TNRC18: variants seen among roughly 807,000 people sequenced by gnomAD.
The protein encoded by TNRC18 is trinucleotide repeat containing 18, also known as trinucleotide repeat-containing gene 18 protein.
Under a neutral mutation model 226.7 loss-of-function variants are expected in TNRC18, and 69 were observed. The ratio of observed to expected loss-of-function variants is 0.30; its 90% confidence interval spans 0.25 to 0.37. The LOEUF (loss-of-function observed/expected upper bound fraction) is 0.37, where lower values mean the gene tolerates loss of function less well. Among genes scored for constraint, TNRC18 ranks in the 10% least tolerant of loss-of-function variants. TNRC18 has a pLI of 1.00. For synonymous variants in TNRC18, 2,449 were observed against 1,927.6 expected (o/e 1.27, Z -7.09); for missense variants, 4,754 against 4,256.6 (o/e 1.12, Z -3.25).
intron 3 of TNRC18, among the ~76,000 whole-genome samples, chr7:5,393,427 C>T (rs77640320): frequency 0.079 from 12,102 of 152,306 alleles, 672 homozygotes; most frequent in Middle Eastern, 0.17. Flanking sequence ...ACGCCTCTGG[C>T]TGAACCTGTC....
chr7:5,347,500 C>CG (rs1319487588), intron 17 of TNRC18, among the ~76,000 whole-genome samples: 5 of 151,270 alleles, frequency 3.3e-5, no homozygotes, highest in Non-Finnish European at 7.4e-5. Flanking sequence ...CCAGCCCCCC[C>CG]GCAAAAATTT....
intron 11 of TNRC18, among the ~76,000 whole-genome samples, chr7:5,364,660 T>C (rs966095315): frequency 6.7e-6 from 1 of 150,028 alleles, no homozygotes; most frequent in African/African-American, 2.5e-5. Flanking sequence ...AGAAATTAGC[T>C]GGGCATGGTG....
In TNRC18 at chr7:5,421,470, C is replaced by A; in HGVS notation, c.-224G>T. The stretch of plus-strand genomic sequence containing the variant: ...CTCCGGGCGGCCAGGCGGAGCTGCG[C>A]GAGGCGGCGCACACGGCGTCTTGGC... On this transcript the variant is annotated 5_prime_UTR_variant, in exon 2 of 30. Coordinates refer to ENST00000430969, the MANE Select transcript of TNRC18 (RefSeq NM_001080495.3). The A allele has an allele frequency of 6.4e-6, 1 of 156,866 alleles. No individual in the cohort carries two copies. The highest frequency in any genetic ancestry group is 1.9e-4 in the South Asian group (1 of 5,216). The allele number at this position is 156,866 out of a possible 1,614,324, so 9.7% of individuals were successfully genotyped here.
chr7:5,381,654 G>C (rs1171670715), intron 5 of TNRC18, among the ~76,000 whole-genome samples: 3 of 152,236 alleles, frequency 2.0e-5, no homozygotes, highest in South Asian at 2.1e-4. Context: ...AGGAAAGAAG[G>C]AAAGACTGAA....
intron 8 of TNRC18, among the ~76,000 whole-genome samples, chr7:5,376,621 G>C (rs903416265): frequency 2.0e-5 from 3 of 152,190 alleles, no homozygotes; most frequent in African/African-American, 7.2e-5. Flanking sequence ...ACCCAGGGCT[G>C]CCTGTCTCGC....
Position 5,345,517 on chromosome 7 carries a change from G to GCCTC in TNRC18, c.5719+44_5719+45insGAGG. On this transcript the variant is annotated intron_variant, in intron 18 of 29. Coordinates refer to ENST00000430969, the MANE Select transcript of TNRC18 (RefSeq NM_001080495.3). ...CCTGTGGGATGGGGCAATGGCGTCCGCCCCTCCCACCCACCCCCACCGCAG... is the reference window on the plus strand; with the variant it reads ...CCTGTGGGATGGGGCAATGGCGTCCGCCTCCCCCTCCCACCCACCCCCACCGCAG... 1.3e-4 allele frequency: 48 copies of GCCTC among 377,744 alleles called. 2 individuals carry two copies. The highest frequency in any genetic ancestry group is 1.1e-3 in the South Asian group (26 of 22,822). The allele number at this position is 377,744 out of a possible 1,614,324, so 23.4% of individuals were successfully genotyped here.
Position 5,324,469 on chromosome 7 carries a change from A to G in TNRC18, c.6301-114T>C. 1.4e-6 allele frequency: 2 copies of G among 1,422,118 alleles called. No individual in the cohort carries two copies. The highest frequency in any genetic ancestry group is 3.9e-5 in the Admixed American group (2 of 51,282). 88.1% of individuals were successfully genotyped at this position (1,422,118 alleles called of 1,614,324 possible). A position where few individuals can be genotyped will look rare whatever the true frequency, so the allele number is the denominator to read the frequency against. On this transcript the variant is annotated intron_variant, in intron 20 of 29. Transcript: ENST00000430969. This position sits in a 1 kb window ranked among gnomAD's most constrained non-coding sequence, Gnocchi z 4.8. Reference sequence around the variant, plus strand: ...AGTCAGGCCGCAGGGGGAATCTGTCATGTGCATGGCAGGGATCCCAGTTAG... The same window carrying G: ...AGTCAGGCCGCAGGGGGAATCTGTCGTGTGCATGGCAGGGATCCCAGTTAG...
intron 5 of TNRC18, among the ~76,000 whole-genome samples, chr7:5,385,827 C>G (rs1296670253): frequency 6.8e-6 from 1 of 146,306 alleles, no homozygotes; most frequent in African/African-American, 2.5e-5. Flanking sequence ...AAAACAAATA[C>G]AAAAAAATAG....
Position 5,390,592 on chromosome 7 carries a change from T to C in TNRC18, c.380A>G (p.Tyr127Cys). ...GGGCTCCAGGTGGTTCAGGTGGAGG[T>C]AGGATGGGTACAGCCCACTGGGCAG... ...SHLPSGLYPS[Y>C]LHLNHLEPPS... Residue 127 changes from tyrosine (Y) to cysteine (C), a missense_variant, in exon 4 of 30, where the codon TAC becomes TGC. Tyr to Cys is a radical substitution (Grantham distance 194). Coordinates refer to ENST00000430969, the MANE Select transcript of TNRC18 (RefSeq NM_001080495.3). The C allele has an allele frequency of 6.2e-7, 1 of 1,610,862 alleles. No individual in the cohort carries two copies. The highest frequency in any genetic ancestry group is 8.5e-7 in the Non-Finnish European group (1 of 1,178,726).
chr7:5,344,368 T>C (rs1790959618), intron 18 of TNRC18, among the ~76,000 whole-genome samples: 1 of 152,162 alleles, frequency 6.6e-6, no homozygotes, highest in South Asian at 2.1e-4. Flanking sequence ...TGCTTCTGTA[T>C]GAACAATACC....
rs994195354 is a variant in TNRC18, at chr7:5,325,128, C to T, written c.6268G>A (p.Ala2090Thr). The T allele has an allele frequency of 6.4e-7, 1 of 1,550,748 alleles. No homozygotes were observed. Reference sequence around the variant, plus strand: ...TTCACCTCCTTCCCTTTGGCCTTGGCTTTGCTCCTTTTGGCAGCGGTCAGG... The same window carrying T: ...TTCACCTCCTTCCCTTTGGCCTTGGTTTTGCTCCTTTTGGCAGCGGTCAGG... ...SSLTAAKRSK[A>T]KAKGKEVKKE... Residue 2090 changes from alanine to threonine, a missense_variant, in exon 20 of 30, where the codon GCC (alanine) becomes ACC (threonine). Coordinates refer to ENST00000430969, the MANE Select transcript of TNRC18 (RefSeq NM_001080495.3).
Position 5,308,927 on chromosome 7 carries a change from C to G in TNRC18, c.8648G>C (p.Arg2883Pro). Reference sequence around the variant, plus strand: ...GACCCGCAGGGCCGCCGGGAGGCTGCGGCTGGACTTCTGGTCCCAGTGCTG... The same window carrying G: ...GACCCGCAGGGCCGCCGGGAGGCTGGGGCTGGACTTCTGGTCCCAGTGCTG... ...QGQHWDQKSS[R>P]SLPAALRVSS... is the part of the protein sequence containing the mutation. Residue 2883 changes from arginine (R) to proline (P), a missense_variant, in exon 29 of 30, where the codon CGC becomes CCC. Coordinates refer to ENST00000430969, the MANE Select transcript of TNRC18 (RefSeq NM_001080495.3). 1 of 1,509,950 alleles carries G rather than the reference C, an allele frequency of 6.6e-7. No homozygotes were observed. Among genetic ancestry groups the G allele is most frequent in the Admixed American group, 1.8e-5 (1 of 56,026 alleles). The allele number at this position is 1,509,950 out of a possible 1,614,324, so 93.5% of individuals were successfully genotyped here. A position where few individuals can be genotyped will look rare whatever the true frequency, so the allele number is the denominator to read the frequency against.
chr7:5,316,730 G>A (rs1787889154), intron 24 of TNRC18, among the ~76,000 whole-genome samples: 1 of 152,234 alleles, frequency 6.6e-6, no homozygotes, highest in African/African-American at 2.4e-5. Context: ...AAAGGGGAGG[G>A]CGGCAGTGGG....
intron 17 of TNRC18, among the ~76,000 whole-genome samples, chr7:5,349,908 G>A (rs1297923173): frequency 6.6e-6 from 1 of 152,182 alleles, no homozygotes; most frequent in African/African-American, 2.4e-5. Flanking sequence ...GGGCACTGAG[G>A]AGCCTGGGCC....
At position 5,389,291 on chromosome 7, in the gene TNRC18, G is replaced by A; in HGVS notation, c.533C>T (p.Ser178Phe). 1 of 1,286,406 alleles carries A rather than the reference G, an allele frequency of 7.8e-7. No homozygotes were observed. Among genetic ancestry groups the A allele is most frequent in the Non-Finnish European group, 9.8e-7 (1 of 1,017,644 alleles). The allele number at this position is 1,286,406 out of a possible 1,614,324, so 79.7% of individuals were successfully genotyped here. ...PTAGAPGSLHSHAPSARTPGG... is the reference protein window; with the variant it reads ...PTAGAPGSLHFHAPSARTPGG... Reference sequence around the variant, plus strand: ...AGGGGTCCGGGCCGAGGGCGCGTGAGAGTGCAGGGAGCCCGGAGCCCCCGC... The same window carrying A: ...AGGGGTCCGGGCCGAGGGCGCGTGAAAGTGCAGGGAGCCCGGAGCCCCCGC... Residue 178 changes from serine to phenylalanine, a missense_variant, in exon 5 of 30, where the codon TCT becomes TTT. Coordinates refer to ENST00000430969, the MANE Select transcript of TNRC18 (RefSeq NM_001080495.3).
intron 2 of TNRC18, among the ~76,000 whole-genome samples, chr7:5,404,127 C>T (rs1483083784): frequency 6.6e-6 from 1 of 152,224 alleles, no homozygotes; most frequent in Non-Finnish European, 1.5e-5. Context: ...AATCCCAGCA[C>T]TTTGGGAGGC....
Position 5,332,999 on chromosome 7 carries a change from G to T in TNRC18, c.5770C>A (p.Arg1924=). The T allele has an allele frequency of 6.3e-7, 1 of 1,575,636 alleles. No homozygotes were observed. Among genetic ancestry groups the T allele is most frequent in the Admixed American group, 1.7e-5 (1 of 57,198 alleles). ...DSESEVKVRK[R]SPAGLLRPKK... ...GGCCGCAGCAGCCCCGCAGGCGACC[G>T]CTTGCGCACCTTGACCTCGCTCTCT... The change falls in exon 19 of 30, where the codon CGG becomes AGG. Residue 1924 remains arginine (R), a synonymous_variant. Transcript: ENST00000430969.
rs925100721 is a variant in TNRC18, at chr7:5,357,343, A to T, written c.4834-67T>A. ...AACAGTATAGTGGGTTTCAGTGCACATGCTCTGCCCAGCCTGGGCTCCAAT... is the reference window on the plus strand; with the variant it reads ...AACAGTATAGTGGGTTTCAGTGCACTTGCTCTGCCCAGCCTGGGCTCCAAT... On this transcript the variant is annotated intron_variant, in intron 15 of 29. Transcript: ENST00000430969. 4.0e-6 allele frequency: 6 copies of T among 1,494,390 alleles called. No individual in the cohort carries two copies. The South Asian group carries it at 7.8e-5, about 19-fold the overall frequency. 92.6% of individuals were successfully genotyped at this position (1,494,390 alleles called of 1,614,324 possible).
intron 2 of TNRC18, among the ~76,000 whole-genome samples, chr7:5,395,149 T>C (rs1780583362): frequency 6.6e-6 from 1 of 151,874 alleles, no homozygotes; most frequent in South Asian, 2.1e-4. Context: ...GGCTCAGAGA[T>C]GGGAAGTGCC....
Sources: gnomAD v4.1 joint callset for allele counts (sites outside exome capture counted in the v4.1 genomes callset) on GRCh38, gnomAD v4.1.1 for gene constraint, Gnocchi (gnomAD v3.1) non-coding constraint, MANE v1.5 for transcripts, NCBI Gene and HGNC (gene_info 2026-07-23, HGNC 2026-07-21) for gene names.